The following STAU2 variants were observed in gnomAD, a reference collection of about 807,000 sequenced individuals.
STAU2 encodes staufen double-stranded RNA binding protein 2.
STAU2 carries 20 observed loss-of-function variants against 65.9 expected under a neutral mutation model. The ratio of observed to expected loss-of-function variants is 0.30; its 90% CI spans 0.21 to 0.44. STAU2 has a LOEUF of 0.44. Ranked by LOEUF, STAU2 falls within the 20% of genes least tolerant of loss-of-function variation. The pLI, the probability that STAU2 is intolerant of heterozygous loss-of-function variation, is 1.00. For missense variants in STAU2, 558 were observed against 683.9 expected, an observed-to-expected ratio of 0.82 and a Z score of 2.05; for synonymous variants, 232 against 233.9, an observed-to-expected ratio of 0.99 and a Z score of 0.07.
chr8:73,602,728 CAAA>C (rs59554010), intron 10 of STAU2, among the ~76,000 whole-genome samples: 1 of 83,282 alleles, frequency 1.2e-5, no homozygotes, highest in Non-Finnish European at 2.7e-5. Context: ...GTTGCCCCAC[CAAA>C]AAAAAAAAAA....
intron 3 of STAU2, among the ~76,000 whole-genome samples, chr8:73,730,513 G>A (rs1462004522): frequency 6.6e-6 from 1 of 152,082 alleles, no homozygotes; most frequent in East Asian, 1.9e-4. Flanking sequence ...GATCACCTGA[G>A]GTCAGGAGTC....
intron 7 of STAU2, among the ~76,000 whole-genome samples, 182 bp from the exon 8 acceptor site, chr8:73,615,964 C>T (rs746495545): frequency 3.9e-5 from 6 of 152,164 alleles, no homozygotes; most frequent in South Asian, 2.1e-4. Flanking sequence ...TTTTGTTACT[C>T]GATTTTTAGC....
chr8:73,580,073 T>C (rs1192293509), intron 12 of STAU2, among the ~76,000 whole-genome samples: 1 of 152,188 alleles, frequency 6.6e-6, no homozygotes, highest in Non-Finnish European at 1.5e-5. Flanking sequence ...CATTCCCTTT[T>C]CATTTTTGTA....
intron 13 of STAU2, among the ~76,000 whole-genome samples, chr8:73,518,302 C>T (rs932086348): frequency 5.3e-5 from 8 of 152,184 alleles, no homozygotes; most frequent in African/African-American, 1.9e-4. Context: ...CTCTGAATAA[C>T]CATGTTTAAG....
At chr8:73,520,706 G>A (rs909652847) in intron 13 of STAU2, among the ~76,000 whole-genome samples, 1 of 152,164 alleles carries the variant, frequency 6.6e-6, no homozygotes, top group Non-Finnish European at 1.5e-5. Context: ...TTCTGGATGT[G>A]GTTATACTGC....
intron 6 of STAU2, among the ~76,000 whole-genome samples, chr8:73,649,866 A>ATTTTAT (rs1337449384): frequency 7.5e-4 from 30 of 40,232 alleles, no homozygotes; most frequent in Admixed American, 6.9e-3. Flanking sequence ...CTTCTATATA[A>ATTTTAT]TTTTATATAT....
At chr8:73,716,580 T>G (rs1206667409) in intron 3 of STAU2, among the ~76,000 whole-genome samples, 1 of 152,260 alleles carries the variant, frequency 6.6e-6, no homozygotes, top group Non-Finnish European at 1.5e-5. Flanking sequence ...GTCAGTCTTC[T>G]TAACTTCAGT....
intron 5 of STAU2, among the ~76,000 whole-genome samples, chr8:73,687,441 TA>T (rs1389474528): frequency 2.3e-5 from 3 of 128,960 alleles, no homozygotes; most frequent in Non-Finnish European, 4.6e-5. Flanking sequence ...ATATTTATAA[TA>T]TATAAATATA....
Position 73,582,753 on chromosome 8 carries a change from TA to T in STAU2, c.1222+16del. 2 of 1,612,448 alleles carry T rather than the reference TA, an allele frequency of 1.2e-6. No homozygotes were observed. Among genetic ancestry groups the T allele is most frequent in the Non-Finnish European group, 1.7e-6 (2 of 1,178,892 alleles). On this transcript the variant is annotated intron_variant, in intron 12 of 14. Transcript: ENST00000524300. The stretch of plus-strand genomic sequence containing the variant: ...TGATGAACACCAAGTGCAGACAACA[TA>T]AAAATGAGAACTTACTATTATTTGT...
chr8:73,658,934 C>CAAAAAAAAAAAAAA (rs72251012), intron 6 of STAU2, among the ~76,000 whole-genome samples: 1 of 96,730 alleles, frequency 1.0e-5, no homozygotes, highest in African/African-American at 2.9e-5. Context: ...ACAACAACAA[C>CAAAAAAAAAAAAAA]AAAAACAACA....
chr8:73,689,182 TATA>T (rs1819154428), intron 4 of STAU2, among the ~76,000 whole-genome samples: 1 of 152,224 alleles, frequency 6.6e-6, no homozygotes, highest in Non-Finnish European at 1.5e-5. Context: ...ACCATGTGTC[TATA>T]ATACTTTCAT....
At chr8:73,689,164 G>T (rs1325941183) in intron 4 of STAU2, among the ~76,000 whole-genome samples, 1 of 152,152 alleles carries the variant, frequency 6.6e-6, no homozygotes, top group East Asian at 1.9e-4. Context: ...TGTAAGAGAA[G>T]CCAAAAGACC....
chr8:73,587,354 A>G (rs1810451691), intron 11 of STAU2, among the ~76,000 whole-genome samples: 1 of 152,250 alleles, frequency 6.6e-6, no homozygotes, highest in African/African-American at 2.4e-5. Context: ...AAAACAAGAA[A>G]GTAAACCAAG....
chr8:73,452,901 C>T (rs965922676), intron 13 of STAU2, among the ~76,000 whole-genome samples: 7 of 152,090 alleles, frequency 4.6e-5, no homozygotes, highest in Admixed American at 2.6e-4. Flanking sequence ...AGAAGAAAGT[C>T]GGTGGATTGA....
chr8:73,515,278 T>TA (rs1822642363), intron 13 of STAU2, among the ~76,000 whole-genome samples: 2 of 152,168 alleles, frequency 1.3e-5, no homozygotes, highest in Admixed American at 1.3e-4. Flanking sequence ...AAGCATGAGG[T>TA]AGCAGCTATT....
At position 73,558,128 on chromosome 8, in the gene STAU2, T is replaced by A. The variant is rs186039506; in HGVS notation, c.1223-5809A>T. On this transcript the variant is annotated intron_variant, in intron 12 of 14. Coordinates refer to ENST00000524300, the MANE Select transcript of STAU2 (RefSeq NM_001164380.2). ...AGAGTTTGAATACTTAACCATTACC[T>A]TAAATAGCCTCCTAAAAGAACAGGT... Among the ~76,000 whole-genome samples, 62 of 152,344 alleles carry A rather than the reference T, an allele frequency of 4.1e-4. 2 individuals carry two copies. The highest frequency in any genetic ancestry group is 2.7e-3 in the South Asian group (13 of 4,828).
At chr8:73,511,318 T>C (rs747728166) in intron 13 of STAU2, 6 of 153,104 alleles carry the variant, frequency 3.9e-5, no homozygotes, top group Non-Finnish European at 7.3e-5. Flanking sequence ...CTCCTCCTCA[T>C]CTTCTTCTTC....
At chr8:73,543,959 T>C (rs1009055160) in intron 13 of STAU2, among the ~76,000 whole-genome samples, 1 of 152,186 alleles carries the variant, frequency 6.6e-6, no homozygotes, top group Admixed American at 6.5e-5. Flanking sequence ...CATGTGAATG[T>C]CCCACAAGCA....
intron 13 of STAU2, among the ~76,000 whole-genome samples, chr8:73,497,399 A>C (rs772446319): frequency 2.6e-5 from 4 of 151,688 alleles, no homozygotes; most frequent in African/African-American, 4.8e-5. Flanking sequence ...AGATTATTAA[A>C]GGGCTTTATT....
Sources: gnomAD v4.1 joint callset for allele counts (sites outside exome capture counted in the v4.1 genomes callset) on GRCh38, gnomAD v4.1.1 for gene constraint, MANE v1.5 for transcripts, NCBI Gene and HGNC (gene_info 2026-07-23, HGNC 2026-07-21) for gene names.